ZNF385D: variants seen among roughly 807,000 people sequenced by gnomAD.
ZNF385D encodes zinc finger protein 659.
A neutral mutation model predicts 35.8 loss-of-function variants in ZNF385D; 15 were observed. The ratio of observed to expected loss-of-function variants is 0.42; its 90% CI spans 0.28 to 0.64. The LOEUF (loss-of-function observed/expected upper bound fraction) is 0.64, where lower values mean the gene tolerates loss of function less well. ZNF385D is among the 30% of genes least tolerant of loss of function. The pLI, the probability that ZNF385D is intolerant of heterozygous loss-of-function variation, is 0.23. For synonymous variants in ZNF385D, 212 were observed against 186.8 expected, an observed-to-expected ratio of 1.13 and a Z score of -1.10; for missense variants, 474 against 494.6, an observed-to-expected ratio of 0.96 and a Z score of 0.39.
intron 1 of ZNF385D, among the ~76,000 whole-genome samples, chr3:21,676,700 G>A (rs1461742564): frequency 2.0e-5 from 3 of 152,004 alleles, no homozygotes; most frequent in Non-Finnish European, 2.9e-5. Context: ...AGGAGGTTTA[G>A]CAAGATCATC....
intron 3 of ZNF385D, among the ~76,000 whole-genome samples, chr3:21,925,292 G>C (rs1434362919): frequency 6.6e-6 from 1 of 152,122 alleles, no homozygotes; most frequent in Non-Finnish European, 1.5e-5. Context: ...TTGGCAGAAG[G>C]ATGGCCACAC....
At chr3:22,279,973 C>T (rs1033979763) in intron 2 of ZNF385D, among the ~76,000 whole-genome samples, 5 of 152,000 alleles carry the variant, frequency 3.3e-5, no homozygotes, top group Non-Finnish European at 2.9e-5. Flanking sequence ...AAAATTATGG[C>T]CATTCTTGCA....
chr3:21,726,226 G>C (rs139925390), intron 1 of ZNF385D, among the ~76,000 whole-genome samples: 2 of 152,038 alleles, frequency 1.3e-5, no homozygotes, highest in Non-Finnish European at 2.9e-5. Flanking sequence ...ATATCATACC[G>C]AATGGGCAAA....
At chr3:21,962,259 A>C (rs1175708268) in intron 3 of ZNF385D, among the ~76,000 whole-genome samples, 1 of 152,172 alleles carries the variant, frequency 6.6e-6, no homozygotes, top group Non-Finnish European at 1.5e-5. Context: ...TTTCAGAGGT[A>C]AGATCAATAG....
At chr3:22,251,742 C>A (rs1700074555) in intron 2 of ZNF385D, among the ~76,000 whole-genome samples, 4 of 152,026 alleles carry the variant, frequency 2.6e-5, no homozygotes, top group Non-Finnish European at 5.9e-5. Context: ...TTGCCTTAGA[C>A]CTACCTCTAC....
chr3:21,717,063 G>A (rs755727486), intron 1 of ZNF385D, among the ~76,000 whole-genome samples: 2 of 152,182 alleles, frequency 1.3e-5, no homozygotes, highest in Admixed American at 6.5e-5. Context: ...AACCTGAGAG[G>A]TGGAGGTTGC....
At chr3:22,109,800 C>T (rs1291878143) in intron 3 of ZNF385D, among the ~76,000 whole-genome samples, 1 of 152,098 alleles carries the variant, frequency 6.6e-6, no homozygotes, top group African/African-American at 2.4e-5. Context: ...AACTAAAGAG[C>T]TTCTGCACAG....
At chr3:22,215,766 C>T (rs1367427540) in intron 2 of ZNF385D, among the ~76,000 whole-genome samples, 3 of 151,966 alleles carry the variant, frequency 2.0e-5, no homozygotes, top group Non-Finnish European at 4.4e-5. Context: ...ACACACCCTC[C>T]CCTTTTGAAA....
chr3:22,096,032 A>C (rs937710497), intron 3 of ZNF385D, among the ~76,000 whole-genome samples: 10 of 152,052 alleles, frequency 6.6e-5, no homozygotes, highest in African/African-American at 2.4e-4. Context: ...TTGAAAATAA[A>C]GAATTTGAAG....
intron 5 of ZNF385D, among the ~76,000 whole-genome samples, chr3:21,428,933 C>CTTTTTTTTTTTTTTTTTTTT (rs56827844): frequency 2.7e-4 from 30 of 112,012 alleles, no homozygotes; most frequent in African/African-American, 8.1e-4. Context: ...CCAAGAAATC[C>CTTTTTTTTTTTTTTTTTTTT]TTTTTTTTTT....
intron 4 of ZNF385D, among the ~76,000 whole-genome samples, chr3:21,447,088 C>G (rs768113619): frequency 6.6e-6 from 1 of 152,124 alleles, no homozygotes; most frequent in Non-Finnish European, 1.5e-5. Flanking sequence ...CTAAGTTCAT[C>G]AGAAGGTAAG....
intron 3 of ZNF385D, among the ~76,000 whole-genome samples, chr3:21,986,746 C>G (rs1029153802): frequency 8.3e-6 from 1 of 120,022 alleles, no homozygotes; most frequent in Non-Finnish European, 1.6e-5. Flanking sequence ...TCTCGTTGAT[C>G]TGTCTAATGT....
chr3:21,429,430 G>T (rs1559439850), intron 5 of ZNF385D, among the ~76,000 whole-genome samples: 2 of 151,918 alleles, frequency 1.3e-5, no homozygotes, highest in Non-Finnish European at 2.9e-5. Context: ...AATACATCGA[G>T]ATGATATATT....
intron 2 of ZNF385D, among the ~76,000 whole-genome samples, chr3:21,598,654 A>G (rs565926116): frequency 6.6e-6 from 1 of 152,334 alleles, no homozygotes; most frequent in East Asian, 1.9e-4. Context: ...GATTTCAAGC[A>G]TAAATTTATG....
intron 2 of ZNF385D, among the ~76,000 whole-genome samples, chr3:21,573,876 A>G (rs2063409578): frequency 6.6e-6 from 1 of 151,772 alleles, no homozygotes; most frequent in Non-Finnish European, 1.5e-5. Context: ...CCTGGCCAAC[A>G]TGGTGAAACC....
rs943061467 is a variant in ZNF385D at position 22,086,661 on chromosome 3, T to A, written c.325+82156A>T. ...GTGTTTGTTGTGGCACTATTCACAA[T>A]AGCAAAGACTTGGAACCAACCCAAA... On this transcript the variant is annotated intron_variant, in intron 3 of 5. Coordinates refer to the ZNF385D transcript ENST00000494108. Among the ~76,000 whole-genome samples, 6 of 152,084 alleles carry A rather than the reference T, an allele frequency of 3.9e-5. No individual in the cohort carries two copies. In the South Asian group the frequency reaches 1.0e-3, roughly 26 times the overall value.
upstream of ZNF385D, among the ~76,000 whole-genome samples, chr3:21,754,530 C>T (rs58807781): frequency 1.9e-4 from 29 of 152,156 alleles, no homozygotes; most frequent in African/African-American, 7.0e-4. Flanking sequence ...TTTCTGTGTT[C>T]TAAGATCCGG....
intron 3 of ZNF385D, among the ~76,000 whole-genome samples, chr3:21,561,417 G>A (rs2062941046): frequency 6.6e-6 from 1 of 152,314 alleles, no homozygotes; most frequent in African/African-American, 2.4e-5. Flanking sequence ...CCAACCCCTT[G>A]TGCTTCCCAG....
chr3:21,442,265 AG>A (rs1701901040), intron 4 of ZNF385D, among the ~76,000 whole-genome samples: 1 of 152,160 alleles, frequency 6.6e-6, no homozygotes, highest in Non-Finnish European at 1.5e-5. Flanking sequence ...GAAAAACCAT[AG>A]GTGAGTTACT....
Sources: allele counts gnomAD v4.1 joint callset (sites outside exome capture counted in the v4.1 genomes callset), GRCh38; gene constraint gnomAD v4.1.1; transcripts MANE v1.5; gene names NCBI Gene and HGNC (gene_info 2026-07-23, HGNC 2026-07-21).